The following NRXN3 variants were observed in gnomAD, a reference collection of about 807,000 sequenced individuals.
The protein encoded by NRXN3 is neurexin III.
NRXN3 carries 32 observed loss-of-function variants against 137.6 expected under a neutral mutation model. That is an observed-to-expected ratio of 0.23 (90% CI 0.18 to 0.31). The LOEUF is 0.31. Ranked by LOEUF, NRXN3 falls within the 10% of genes least tolerant of loss-of-function variation. The probability of loss-of-function intolerance (pLI) is 1.00; values close to 1 mark genes in which losing one functional copy is unlikely to be tolerated. For missense variants in NRXN3, 1,574 were observed against 2,062.5 expected (o/e 0.76, Z 4.59); for synonymous variants, 798 against 784.5 (o/e 1.02, Z -0.29).
intron 4 of NRXN3, among the ~76,000 whole-genome samples, chr14:78,598,119 T>C (rs12590819): frequency 0.092 from 13,942 of 152,252 alleles, 909 homozygotes; most frequent in African/African-American, 0.18. Flanking sequence ...GGATAATTAC[T>C]GTAGCCTTCA....
At chr14:79,001,218 T>C (rs1321731912) in intron 15 of NRXN3, among the ~76,000 whole-genome samples, 1 of 152,174 alleles carries the variant, frequency 6.6e-6, no homozygotes, top group Admixed American at 6.5e-5. Flanking sequence ...TCACAGTCCT[T>C]GACAGTCTTT....
chr14:79,578,481 A>T (rs2097685979), intron 16 of NRXN3, among the ~76,000 whole-genome samples: 1 of 152,092 alleles, frequency 6.6e-6, no homozygotes. Context: ...CCCAAGTCCC[A>T]CAACCTAAGC....
chr14:78,413,515 C>A (rs1277081868), intron 4 of NRXN3, among the ~76,000 whole-genome samples: 1 of 152,176 alleles, frequency 6.6e-6, no homozygotes, highest in Non-Finnish European at 1.5e-5. Flanking sequence ...GAACTCCCGA[C>A]CTCAGGTGGT....
chr14:79,838,689 A>T lies in NRXN3; in HGVS notation c.4094-22653A>T, dbSNP rs539592817. Among the ~76,000 whole-genome samples, 3 of 152,156 alleles carry T rather than the reference A, an allele frequency of 2.0e-5. No homozygotes were observed. The East Asian group carries it at 5.8e-4, about 30-fold the overall frequency. ...AAAGCTGCCTTATAGTGCCTTTCTC[A>T]CTTTGTGATACCAAGCTGCTGCCAT... On this transcript the variant is annotated intron_variant, in intron 20 of 20. Transcript: ENST00000335750.
At chr14:79,375,235 G>GT (rs35994648) in intron 15 of NRXN3, among the ~76,000 whole-genome samples, 73,542 of 129,888 alleles carry the variant, frequency 0.57, 22,405 homozygotes, top group Middle Eastern at 0.78. Context: ...GAGTTTTTGT[G>GT]TTTTTTTTTT....
At chr14:79,190,400 C>T (rs2064131519) in intron 15 of NRXN3, among the ~76,000 whole-genome samples, 1 of 152,136 alleles carries the variant, frequency 6.6e-6, no homozygotes, top group African/African-American at 2.4e-5. Flanking sequence ...CTAACTTATA[C>T]ATACTTGTGA....
intron 14 of NRXN3, among the ~76,000 whole-genome samples, chr14:78,976,753 C>T (rs1466075409): frequency 2.0e-5 from 3 of 152,320 alleles, no homozygotes; most frequent in Non-Finnish European, 2.9e-5. Context: ...ACGAGAGAGG[C>T]GTACAACACA....
intron 10 of NRXN3, among the ~76,000 whole-genome samples, chr14:78,932,674 A>G (rs1509146): frequency 1.3e-5 from 2 of 152,220 alleles, no homozygotes; most frequent in East Asian, 3.8e-4. Flanking sequence ...TGGACTTTGC[A>G]ATGTACTTGT....
At chr14:79,821,192 GC>G (rs561372582) in intron 20 of NRXN3, among the ~76,000 whole-genome samples, 51 of 152,284 alleles carry the variant, frequency 3.3e-4, no homozygotes, top group East Asian at 2.7e-3. Flanking sequence ...ACTATTGATG[GC>G]CTGACAAGGA....
intron 15 of NRXN3, among the ~76,000 whole-genome samples, chr14:79,061,577 G>T (rs528379645): frequency 9.7e-4 from 148 of 152,310 alleles, no homozygotes; most frequent in Middle Eastern, 6.8e-3. Context: ...CCATTGCTTG[G>T]GAGTTTGGGT....
intron 15 of NRXN3, among the ~76,000 whole-genome samples, chr14:79,233,485 C>A (rs915416009): frequency 2.6e-5 from 4 of 152,046 alleles, no homozygotes; most frequent in African/African-American, 9.7e-5. Context: ...ATCATGCGGG[C>A]TTTGACACAG....
chr14:79,192,067 T>G (rs149409078), intron 15 of NRXN3, among the ~76,000 whole-genome samples: 205 of 152,244 alleles, frequency 1.3e-3, no homozygotes, highest in African/African-American at 4.8e-3. Flanking sequence ...ATTTGTATTT[T>G]TAGCAGAGAT....
chr14:79,749,815 T>C (rs978235833), intron 19 of NRXN3, among the ~76,000 whole-genome samples: 1 of 152,156 alleles, frequency 6.6e-6, no homozygotes, highest in Non-Finnish European at 1.5e-5. Context: ...CATTCCTTAG[T>C]AGTTCAACAT....
At chr14:79,506,502 G>A (rs1450127500) in intron 16 of NRXN3, among the ~76,000 whole-genome samples, 1 of 152,110 alleles carries the variant, frequency 6.6e-6, no homozygotes, top group Non-Finnish European at 1.5e-5. Context: ...AGAACAAGAT[G>A]GGACCATCTT....
rs924275447 is a variant in NRXN3, at chr14:79,814,872, G to A, written c.4093+9682G>A. Among the ~76,000 whole-genome samples, 3 of 152,134 alleles carry A rather than the reference G, an allele frequency of 2.0e-5. No homozygotes were observed. In the East Asian group the frequency reaches 5.8e-4, roughly 29 times the overall value. ...TGTTTATGTATTAAAATATAAATGT[G>A]TTCAGCAAGGCATCTGAGGATGGGA... On this transcript the variant is annotated intron_variant, in intron 20 of 20. Coordinates refer to ENST00000335750, the MANE Select transcript of NRXN3 (RefSeq NM_001330195.2).
chr14:79,508,390 A>ATTTCTGATTTTTTTTTTTTTT (rs1555494789), intron 16 of NRXN3, among the ~76,000 whole-genome samples: 1 of 48,240 alleles, frequency 2.1e-5, no homozygotes, highest in African/African-American at 7.3e-5. Flanking sequence ...ACAATAACTG[A>ATTTCTGATTTTTTTTTTTTTT]TTTTTTTTTT....
At chr14:79,765,323 G>A (rs900146175) in intron 19 of NRXN3, among the ~76,000 whole-genome samples, 1 of 152,158 alleles carries the variant, frequency 6.6e-6, no homozygotes, top group Non-Finnish European at 1.5e-5. Flanking sequence ...TTCACTTGTA[G>A]CCTATCCAAA....
chr14:79,724,189 G>A (rs541537984), intron 19 of NRXN3, among the ~76,000 whole-genome samples: 39 of 152,262 alleles, frequency 2.6e-4, no homozygotes, highest in Non-Finnish European at 5.3e-4. Context: ...CGGCACACAA[G>A]TGTGACCTGG....
intron 14 of NRXN3, among the ~76,000 whole-genome samples, chr14:78,980,600 A>C (rs1254177747): frequency 6.6e-6 from 1 of 152,224 alleles, no homozygotes; most frequent in Non-Finnish European, 1.5e-5. Flanking sequence ...GAGCAGTAAC[A>C]GGCATAAAAT....
Sources: gnomAD v4.1 joint callset for allele counts (sites outside exome capture counted in the v4.1 genomes callset) on GRCh38, gnomAD v4.1.1 for gene constraint, MANE v1.5 for transcripts, NCBI Gene and HGNC (gene_info 2026-07-23, HGNC 2026-07-21) for gene names.